Variants in ZYG11B observed in about 807,000 individuals in gnomAD.
ZYG11B encodes the protein protein zyg-11 homolog B.
In ZYG11B, 36 loss-of-function variants were observed where a neutral mutation model predicts 82.4. The ratio of observed to expected loss-of-function variants is 0.44; its 90% confidence interval spans 0.33 to 0.58. The LOEUF (loss-of-function observed/expected upper bound fraction) is 0.58. Ranked by LOEUF, ZYG11B falls within the 20% of genes least tolerant of loss-of-function variation. The pLI is 0.02. For missense variants in ZYG11B, 552 were observed against 895.6 expected (o/e 0.62, Z 4.90); for synonymous variants, 303 against 312.8 (o/e 0.97, Z 0.33).
At chr1:52,726,788 C>G (rs906282728) in intron 1 of ZYG11B, 105 bp downstream of exon 1, 6 of 1,176,448 alleles carry the variant, frequency 5.1e-6, no homozygotes, top group Non-Finnish European at 6.7e-6. Context: ...GGTGTCCCCT[C>G]GGGCTCCCTG....
intron 2 of ZYG11B, among the ~76,000 whole-genome samples, chr1:52,769,645 A>G (rs924045452): frequency 9.2e-5 from 14 of 152,146 alleles, no homozygotes; most frequent in Non-Finnish European, 1.5e-4. Context: ...GCCTTTCTTG[A>G]TTTTAACTGT....
At chr1:52,796,599 CA>C in intron 7 of ZYG11B, 134 bp from the exon 8 acceptor site, 3 of 895,266 alleles carry the variant, frequency 3.4e-6, no homozygotes, top group South Asian at 2.1e-5. Flanking sequence ...GCAGGCCTCC[CA>C]AAAACCGATA....
chr1:52,765,284 C>T (rs1644672670), intron 2 of ZYG11B, among the ~76,000 whole-genome samples: 1 of 151,884 alleles, frequency 6.6e-6, no homozygotes, highest in South Asian at 2.1e-4. Context: ...CTCACTGCAG[C>T]CTTGAACTCC....
At chr1:52,792,468 C>T (rs963936200) in intron 6 of ZYG11B, among the ~76,000 whole-genome samples, 2 of 152,098 alleles carry the variant, frequency 1.3e-5, no homozygotes, top group South Asian at 2.1e-4. Flanking sequence ...TTATTCAGTC[C>T]TCAGAACAAT....
intron 1 of ZYG11B, chr1:52,754,607 G>C (rs1299544507): frequency 6.6e-6 from 1 of 152,122 alleles, no homozygotes; most frequent in Non-Finnish European, 1.5e-5. Context: ...GTCTCAAACT[G>C]CTGGGCTCAG....
intron 10 of ZYG11B, 89 bp downstream of exon 10, chr1:52,802,228 A>T (rs973273662): frequency 1.6e-6 from 2 of 1,277,520 alleles, no homozygotes; most frequent in African/African-American, 3.0e-5. Context: ...CTGCAGTGGC[A>T]GTATCATAGC....
At chr1:52,743,442 C>T (rs1010077244) in intron 1 of ZYG11B, among the ~76,000 whole-genome samples, 7 of 129,944 alleles carry the variant, frequency 5.4e-5, no homozygotes, top group South Asian at 2.5e-4. Flanking sequence ...TTCATAAAAT[C>T]GCTAAGAAAG....
intron 4 of ZYG11B, among the ~76,000 whole-genome samples, chr1:52,783,803 T>TACAC (rs1228904788): frequency 1.4e-4 from 8 of 57,028 alleles, no homozygotes; most frequent in African/African-American, 6.5e-4. Context: ...TATATATATA[T>TACAC]ATACACACAC....
rs1160035243 is a variant in ZYG11B, at chr1:52,803,091, T to C, written c.1695+952T>C. Among the ~76,000 whole-genome samples, 35 of 15,116 alleles carry C rather than the reference T, an allele frequency of 2.3e-3. 1 individual carries two copies. The highest frequency in any genetic ancestry group is 4.8e-3 in the African/African-American group (23 of 4,812). The allele number at this position is 15,116 out of a possible 152,430, so 9.9% of individuals were successfully genotyped here. Reference sequence around the variant, plus strand: ...CACTATATATATATATATACACATATATATATACATATATATATATATATA... The same window carrying C: ...CACTATATATATATATATACACATACATATATACATATATATATATATATA... On this transcript the variant is annotated intron_variant, in intron 10 of 13. Coordinates refer to ENST00000294353, the MANE Select transcript of ZYG11B (RefSeq NM_024646.3).
intron 1 of ZYG11B, among the ~76,000 whole-genome samples, chr1:52,748,184 C>G (rs1009389012): frequency 1.3e-5 from 2 of 152,130 alleles, no homozygotes; most frequent in Non-Finnish European, 2.9e-5. Flanking sequence ...TTTTCCTCAT[C>G]TTTAAAATGC....
At chr1:52,774,725 G>C (rs1644789912) in intron 3 of ZYG11B, among the ~76,000 whole-genome samples, 1 of 149,830 alleles carries the variant, frequency 6.7e-6, no homozygotes, top group Admixed American at 6.7e-5. Flanking sequence ...CCTGAGCCTA[G>C]CCTGGCTTTC....
At chr1:52,797,105 T>C (rs1645022107) in intron 8 of ZYG11B, among the ~76,000 whole-genome samples, 1 of 60,584 alleles carries the variant, frequency 1.7e-5, no homozygotes, top group Non-Finnish European at 2.2e-5. Context: ...TTACATATTG[T>C]ATATATTTAT....
At chr1:52,780,762 G>C (rs899843647) in intron 4 of ZYG11B, among the ~76,000 whole-genome samples, 5 of 152,166 alleles carry the variant, frequency 3.3e-5, no homozygotes, top group African/African-American at 4.8e-5. Flanking sequence ...GTACATCACA[G>C]CACCTAGCTA....
chr1:52,792,314 A>G (rs556391957), intron 6 of ZYG11B, among the ~76,000 whole-genome samples: 1 of 152,328 alleles, frequency 6.6e-6, no homozygotes, highest in South Asian at 2.1e-4. Flanking sequence ...GCCCCCACAC[A>G]AGGAAGGAAA....
intron 1 of ZYG11B, among the ~76,000 whole-genome samples, chr1:52,750,698 C>T (rs967207603): frequency 6.6e-6 from 1 of 152,152 alleles, no homozygotes; most frequent in Non-Finnish European, 1.5e-5. Flanking sequence ...TAGCCACAAT[C>T]AATTTTAGAA....
chr1:52,821,687 G>A lies in ZYG11B; in HGVS notation c.*58G>A. 6.7e-7 allele frequency: 1 copy of A among 1,501,528 alleles called. No individual in the cohort carries two copies. The highest frequency in any genetic ancestry group is 1.3e-5 in the South Asian group (1 of 77,938). The allele number at this position is 1,501,528 out of a possible 1,614,324, so 93.0% of individuals were successfully genotyped here. A position where few individuals can be genotyped will look rare whatever the true frequency, so the allele number is the denominator to read the frequency against. ...AATCCTTTTTGTGATTGGTCCATTT[G>A]GAATATCTTACCCTCCCTGATGTTT... On this transcript the variant is annotated 3_prime_UTR_variant, in exon 14 of 14. Transcript: ENST00000294353.
intron 1 of ZYG11B, among the ~76,000 whole-genome samples, chr1:52,739,290 G>C (rs1280012036): frequency 6.6e-6 from 1 of 152,040 alleles, no homozygotes. Context: ...ACAGTGCCCA[G>C]CTGGCCCTGT....
chr1:52,803,087 C>CACACATATATATATAT (rs1471683117), intron 10 of ZYG11B, among the ~76,000 whole-genome samples: 1 of 22,544 alleles, frequency 4.4e-5, no homozygotes, highest in Non-Finnish European at 1.0e-4. Flanking sequence ...TATATATACA[C>CACACATATATATATAT]ATATATATAT....
At chr1:52,785,550 G>A (rs562055210) in intron 5 of ZYG11B, among the ~76,000 whole-genome samples, 5 of 151,994 alleles carry the variant, frequency 3.3e-5, no homozygotes, top group African/African-American at 7.2e-5. Flanking sequence ...TCCACTTCCC[G>A]GGTTCAAGTG....
Sources: allele counts gnomAD v4.1 joint callset (sites outside exome capture counted in the v4.1 genomes callset), GRCh38; gene constraint gnomAD v4.1.1; transcripts MANE v1.5; gene names NCBI Gene and HGNC (gene_info 2026-07-23, HGNC 2026-07-21).